Variants in LOXL2 observed in about 807,000 individuals in gnomAD.
LOXL2 encodes lysyl oxidase homolog 2.
Under a neutral mutation model 93.0 loss-of-function variants are expected in LOXL2, and 70 were observed. That is an observed-to-expected ratio of 0.75 (90% CI 0.62 to 0.92). The LOEUF is 0.92. LOXL2 is among the 40% of genes least tolerant of loss of function. The pLI, the probability that LOXL2 is intolerant of heterozygous loss-of-function variation, is 0.00. For missense variants in LOXL2, 973 were observed against 1,054.9 expected (o/e 0.92, Z 1.08); for synonymous variants, 438 against 413.2 (o/e 1.06, Z -0.73).
chr8:23,319,777 C>A, intron 8 of LOXL2, 108 bp downstream of exon 8: 1 of 1,277,546 alleles, frequency 7.8e-7, no homozygotes, highest in Non-Finnish European at 1.1e-6. Context: ...CTTGCTCTGT[C>A]CTGCCTGCAC....
chr8:23,326,696 G>A (rs1393100005), intron 6 of LOXL2, among the ~76,000 whole-genome samples: 1 of 152,212 alleles, frequency 6.6e-6, no homozygotes, highest in South Asian at 2.1e-4. Flanking sequence ...AGAGGTTGCA[G>A]TGAGCCGAGA....
At chr8:23,373,744 G>T (rs1804540487) in intron 1 of LOXL2, among the ~76,000 whole-genome samples, 1 of 152,066 alleles carries the variant, frequency 6.6e-6, no homozygotes, top group Admixed American at 6.5e-5. Flanking sequence ...GCCTAAAGTT[G>T]CGCAGACGGT....
Position 23,297,727 on chromosome 8 carries a change from A to G in LOXL2, c.*316T>C. 3 of 215,368 alleles carry G rather than the reference A, an allele frequency of 1.4e-5. No individual in the cohort carries two copies. Among genetic ancestry groups the G allele is most frequent in the Non-Finnish European group, 8.9e-6 (1 of 111,868 alleles). The allele number at this position is 215,368 out of a possible 1,614,324, so 13.3% of individuals were successfully genotyped here. A position where few individuals can be genotyped will look rare whatever the true frequency, so the allele number is the denominator to read the frequency against. On this transcript the variant is annotated 3_prime_UTR_variant, in exon 14 of 14. Coordinates refer to ENST00000389131, the MANE Select transcript of LOXL2 (RefSeq NM_002318.3). ...GTCTGTGGTGAGCTCGGTGGCTTGA[A>G]TGGGACAAGCTGATGACAACCTGTC...
chr8:23,341,334 C>A, intron 3 of LOXL2, 131 bp from the exon 4 acceptor site: 2 of 743,954 alleles, frequency 2.7e-6, no homozygotes, highest in East Asian at 2.7e-5. Flanking sequence ...TCAGGCCCTG[C>A]AGTGAGCTCT....
At chr8:23,357,032 A>G (rs2117201320) in intron 3 of LOXL2, among the ~76,000 whole-genome samples, 1 of 151,988 alleles carries the variant, frequency 6.6e-6, no homozygotes, top group Non-Finnish European at 1.5e-5. Context: ...CAGCCCTTCC[A>G]CAGTAAGAAA....
chr8:23,391,097 G>C (rs1804836641), intron 1 of LOXL2, among the ~76,000 whole-genome samples: 1 of 152,138 alleles, frequency 6.6e-6, no homozygotes, highest in South Asian at 2.1e-4. Flanking sequence ...GTTGCCCCAT[G>C]ATTCAATTAT....
intron 1 of LOXL2, among the ~76,000 whole-genome samples, chr8:23,384,471 G>A (rs1483658795): frequency 6.6e-6 from 1 of 152,156 alleles, no homozygotes; most frequent in Non-Finnish European, 1.5e-5. Flanking sequence ...AATTCCTCAA[G>A]TCTCACCTCC....
chr8:23,332,694 C>CA lies in LOXL2; in HGVS notation c.966+706_966+707insT, dbSNP rs567454154. ...ACTCATACACACACTCATACACCCC[C>CA]CACACACTCATACACATGCACTCAT... is the stretch of plus-strand genomic sequence containing the variant. On this transcript the variant is annotated intron_variant, in intron 5 of 13. Coordinates refer to ENST00000389131, the MANE Select transcript of LOXL2 (RefSeq NM_002318.3). 1.7e-4 allele frequency among the ~76,000 whole-genome samples: 15 copies of CA among 90,220 alleles called. 1 individual carries two copies. The East Asian group carries it at 2.0e-3, about 12-fold the overall frequency. The allele number at this position is 90,220 out of a possible 152,430, so 59.2% of individuals were successfully genotyped here.
At chr8:23,346,142 T>TAATGA (rs1482289467) in intron 3 of LOXL2, among the ~76,000 whole-genome samples, 1 of 112,558 alleles carries the variant, frequency 8.9e-6, no homozygotes, top group South Asian at 2.6e-4. Flanking sequence ...TAAAATAAAA[T>TAATGA]AAATAAAATA....
In LOXL2 at chr8:23,314,694, G is replaced by C. The variant is rs192930749; in HGVS notation, c.1636+2255C>G. ...GCACTGGGAGATATACCTAATGCTA[G>C]ATGACGAGTTAGTGGGTGCAGCGCA... On this transcript the variant is annotated intron_variant, in intron 9 of 13. Transcript: ENST00000389131. Among the ~76,000 whole-genome samples the C allele has an allele frequency of 9.2e-3, 1,389 of 151,664 alleles. 84 individuals are homozygous for C. In the East Asian group the frequency reaches 0.16, roughly 17 times the overall value.
At chr8:23,321,842 T>G in intron 7 of LOXL2, 1 of 381,822 alleles carries the variant, frequency 2.6e-6, no homozygotes. Flanking sequence ...GTCCCACGCC[T>G]GTCTTTGGAG....
chr8:23,303,164 G>A (rs1020910312), intron 11 of LOXL2, 118 bp downstream of exon 11: 5 of 717,064 alleles, frequency 7.0e-6, no homozygotes, highest in Non-Finnish European at 1.3e-5. Flanking sequence ...GGGGAAAGGT[G>A]GCAGTGGTCA....
chr8:23,393,139 T>C (rs1800035935), intron 1 of LOXL2, among the ~76,000 whole-genome samples: 1 of 152,210 alleles, frequency 6.6e-6, no homozygotes, highest in African/African-American at 2.4e-5. Flanking sequence ...CTCCTCAAAT[T>C]GATCTACGAA....
chr8:23,319,861 G>A, intron 8 of LOXL2, 24 bp downstream of exon 8: 1 of 1,609,466 alleles, frequency 6.2e-7, no homozygotes, highest in Non-Finnish European at 8.5e-7. Flanking sequence ...GGTGAATGCG[G>A]GGTCTGAGGC....
chr8:23,378,128 A>G (rs1804621736), intron 1 of LOXL2, among the ~76,000 whole-genome samples: 1 of 152,184 alleles, frequency 6.6e-6, no homozygotes. Flanking sequence ...CTTGTAGGGC[A>G]GGCCTGGTGG....
chr8:23,388,030 T>A (rs4872121), intron 1 of LOXL2, among the ~76,000 whole-genome samples: 5 of 152,012 alleles, frequency 3.3e-5, no homozygotes, highest in Non-Finnish European at 7.4e-5. Flanking sequence ...AAGATCATGC[T>A]TCTTAAGTTC....
intron 6 of LOXL2, among the ~76,000 whole-genome samples, chr8:23,326,514 G>T (rs7845685): frequency 0.58 from 87,372 of 151,910 alleles, 27,597 homozygotes; most frequent in Middle Eastern, 0.73. Flanking sequence ...AGCACTTTGG[G>T]AGACCGAGGT....
At chr8:23,352,635 T>C (rs1804113332) in intron 3 of LOXL2, among the ~76,000 whole-genome samples, 1 of 152,068 alleles carries the variant, frequency 6.6e-6, no homozygotes, top group South Asian at 2.1e-4. Flanking sequence ...AATAAAAACC[T>C]GGACCCAAGG....
chr8:23,366,798 C>G (rs1215402951), intron 2 of LOXL2, among the ~76,000 whole-genome samples: 1 of 152,196 alleles, frequency 6.6e-6, no homozygotes, highest in Non-Finnish European at 1.5e-5. Context: ...ATAGGAAACT[C>G]TTAGCTCCTG....
Sources: allele counts gnomAD v4.1 joint callset (sites outside exome capture counted in the v4.1 genomes callset), GRCh38; gene constraint gnomAD v4.1.1; transcripts MANE v1.5; gene names NCBI Gene and HGNC (gene_info 2026-07-23, HGNC 2026-07-21).